ASTN2: variants seen among roughly 807,000 people sequenced by gnomAD.
ASTN2 encodes astrotactin-2.
ASTN2 carries 54 observed loss-of-function variants against 139.8 expected under a neutral mutation model. The observed-to-expected ratio is 0.39, with a 90% CI of 0.31 to 0.48. The LOEUF is 0.48. Among genes scored for constraint, ASTN2 ranks in the 20% least tolerant of loss-of-function variants. The pLI, the probability that ASTN2 is intolerant of heterozygous loss-of-function variation, is 0.95. For synonymous variants in ASTN2, 756 were observed against 719.5 expected (o/e 1.05, Z -0.81); for missense variants, 1,565 against 1,725.1 (o/e 0.91, Z 1.64).
Position 117,414,195 on chromosome 9 carries a change from G to A in ASTN2, c.442+302C>T, listed in dbSNP as rs553744384. Among the ~76,000 whole-genome samples, 1 of 152,218 alleles carries A rather than the reference G, an allele frequency of 6.6e-6. No individual in the cohort carries two copies. The highest frequency in any genetic ancestry group is 2.1e-4 in the South Asian group (1 of 4,818). Reference sequence around the variant, plus strand: ...CCTAGCCAGAGCACCTTCAGTGAATGGGGTCTCCGGCTTCCGGGATGGATC... The same window carrying A: ...CCTAGCCAGAGCACCTTCAGTGAATAGGGTCTCCGGCTTCCGGGATGGATC... On this transcript the variant is annotated intron_variant, in intron 1 of 22. Transcript: ENST00000313400. The surrounding 1 kb of genome is among the most constrained non-coding windows in gnomAD (Gnocchi z 4.2).
chr9:117,084,086 G>T (rs1828499890), intron 5 of ASTN2, among the ~76,000 whole-genome samples: 1 of 151,470 alleles, frequency 6.6e-6, no homozygotes, highest in African/African-American at 2.4e-5. Flanking sequence ...TTTGAAGGAA[G>T]GGAGAGAATA....
At chr9:116,673,091 T>C (rs1384611673) in intron 16 of ASTN2, among the ~76,000 whole-genome samples, 3 of 152,244 alleles carry the variant, frequency 2.0e-5, no homozygotes, top group African/African-American at 7.2e-5. Context: ...CTTTACTTCA[T>C]CCTCTTCATT....
intron 1 of ASTN2, among the ~76,000 whole-genome samples, chr9:117,369,097 T>G (rs1372813568): frequency 2.0e-5 from 3 of 152,120 alleles, no homozygotes; most frequent in Non-Finnish European, 4.4e-5. Context: ...TCTCTAAGTG[T>G]TTTTCCCCAT....
chr9:116,794,248 G>A (rs79485877), intron 13 of ASTN2, among the ~76,000 whole-genome samples: 33,541 of 151,628 alleles, frequency 0.22, 4,516 homozygotes, highest in Middle Eastern at 0.37. Flanking sequence ...ACAGGCAGGC[G>A]CCACCAAGCC....
chr9:116,633,665 T>C (rs905945435), intron 17 of ASTN2, among the ~76,000 whole-genome samples: 3 of 152,226 alleles, frequency 2.0e-5, no homozygotes, highest in Non-Finnish European at 2.9e-5. Flanking sequence ...ATTTCTCTTC[T>C]GTGGCCACTG....
chr9:116,880,936 G>T (rs1833436288), intron 10 of ASTN2, among the ~76,000 whole-genome samples: 1 of 152,192 alleles, frequency 6.6e-6, no homozygotes, highest in Non-Finnish European at 1.5e-5. Flanking sequence ...ACATATTATA[G>T]ACACATAAAG....
At chr9:116,841,570 A>G (rs1161759624) in intron 11 of ASTN2, among the ~76,000 whole-genome samples, 1 of 152,140 alleles carries the variant, frequency 6.6e-6, no homozygotes, top group Non-Finnish European at 1.5e-5. Context: ...GGTGAAAATA[A>G]CGAGACTAAA....
chr9:116,484,960 CATCAAGCCCCT>C (rs1849291176), intron 20 of ASTN2, among the ~76,000 whole-genome samples: 1 of 152,184 alleles, frequency 6.6e-6, no homozygotes, highest in Non-Finnish European at 1.5e-5. Flanking sequence ...GTCCAGCTGA[CATCAAGCCCCT>C]ACAGCGTCAC....
chr9:117,131,147 A>G (rs1381599343), intron 4 of ASTN2, among the ~76,000 whole-genome samples: 1 of 152,212 alleles, frequency 6.6e-6, no homozygotes, highest in Non-Finnish European at 1.5e-5. Context: ...TATGTGGACC[A>G]AAAATAAAAC....
At chr9:116,784,790 G>A (rs1221848035) in intron 13 of ASTN2, among the ~76,000 whole-genome samples, 8 of 152,164 alleles carry the variant, frequency 5.3e-5, no homozygotes, top group Middle Eastern at 3.4e-3. Context: ...GTAGACAGGC[G>A]TGGTGCCGCA....
chr9:116,861,789 G>A (rs372935741), intron 11 of ASTN2, among the ~76,000 whole-genome samples: 1 of 152,162 alleles, frequency 6.6e-6, no homozygotes, highest in Non-Finnish European at 1.5e-5. Context: ...GACAGTAGTT[G>A]GAGGTACTAG....
At chr9:116,869,912 T>C (rs1421069184) in intron 10 of ASTN2, among the ~76,000 whole-genome samples, 1 of 151,564 alleles carries the variant, frequency 6.6e-6, no homozygotes. Context: ...AAGACCAGCC[T>C]GGACAACAGA....
intron 10 of ASTN2, among the ~76,000 whole-genome samples, chr9:116,874,909 G>A (rs1042365401): frequency 3.9e-5 from 6 of 152,082 alleles, no homozygotes; most frequent in African/African-American, 1.2e-4. Context: ...TTTCAAAATT[G>A]TGTTATTATT....
chr9:116,946,984 A>T (rs1835419079), intron 10 of ASTN2, among the ~76,000 whole-genome samples: 1 of 150,024 alleles, frequency 6.7e-6, no homozygotes, highest in African/African-American at 2.5e-5. Flanking sequence ...TCTAGGTGGG[A>T]AAAAGCAGGA....
At chr9:116,998,320 A>G (rs1837080305) in intron 7 of ASTN2, among the ~76,000 whole-genome samples, 1 of 152,138 alleles carries the variant, frequency 6.6e-6, no homozygotes, top group Non-Finnish European at 1.5e-5. Context: ...CATATAAAGG[A>G]CAGAATTTAC....
At chr9:117,038,596 A>G (rs1481408754) in intron 6 of ASTN2, among the ~76,000 whole-genome samples, 3 of 152,164 alleles carry the variant, frequency 2.0e-5, no homozygotes, top group African/African-American at 7.2e-5. Flanking sequence ...ATCGAGACAT[A>G]TATATTTTAA....
chr9:117,275,352 C>T (rs894241806), intron 2 of ASTN2, among the ~76,000 whole-genome samples: 1 of 152,124 alleles, frequency 6.6e-6, no homozygotes, highest in Non-Finnish European at 1.5e-5. Context: ...GCCCACACTG[C>T]CATCACAGCA....
intron 1 of ASTN2, among the ~76,000 whole-genome samples, chr9:117,347,733 C>T (rs182756733): frequency 4.2e-4 from 64 of 152,214 alleles, no homozygotes; most frequent in African/African-American, 1.2e-3. Flanking sequence ...AAGAAAGCAG[C>T]GGATTCTCAA....
Position 117,247,429 on chromosome 9 carries a change from G to A in ASTN2, c.631-32687C>T, listed in dbSNP as rs369344462. Among the ~76,000 whole-genome samples the A allele has an allele frequency of 2.3e-4, 35 of 152,274 alleles. No homozygotes were observed. In the East Asian group the frequency reaches 6.6e-3, roughly 29 times the overall value. ...CAGCTCAGACATGGATTCTGATTCT[G>A]GGAGTGGTGTGTCCCCACTGAGTAG... On this transcript the variant is annotated intron_variant, in intron 2 of 22. Transcript: ENST00000313400.
Sources: allele counts gnomAD v4.1 joint callset (sites outside exome capture counted in the v4.1 genomes callset), GRCh38; gene constraint gnomAD v4.1.1; non-coding constraint Gnocchi (gnomAD v3.1); transcripts MANE v1.5; gene names NCBI Gene and HGNC (gene_info 2026-07-23, HGNC 2026-07-21).